The following ABTB2 variants were observed in gnomAD, a reference collection of about 807,000 sequenced individuals.
ABTB2 encodes ankyrin repeat and BTB domain containing 2.
A neutral mutation model predicts 104.1 loss-of-function variants in ABTB2; 56 were observed. That is an observed-to-expected ratio of 0.54 (90% confidence interval 0.43 to 0.67). The LOEUF is 0.67. Among genes scored for constraint, ABTB2 ranks in the 30% least tolerant of loss-of-function variants. ABTB2 has a pLI of 0.00. For missense variants in ABTB2, 1,279 were observed against 1,407.7 expected (o/e 0.91, Z 1.46); for synonymous variants, 606 against 608.2 (o/e 1.00, Z 0.05).
At chr11:34,265,661 GAAAAAAAA>G (rs1233763258) in intron 1 of ABTB2, among the ~76,000 whole-genome samples, 2 of 25,654 alleles carry the variant, frequency 7.8e-5, no homozygotes, top group African/African-American at 2.8e-4. Flanking sequence ...TCTGTCTCAA[GAAAAAAAA>G]AAAAAAAAAA....
chr11:34,320,038 C>A (rs941099347), intron 1 of ABTB2, among the ~76,000 whole-genome samples: 2 of 152,132 alleles, frequency 1.3e-5, no homozygotes, highest in African/African-American at 4.8e-5. Flanking sequence ...GCGTGACCAC[C>A]GTGCCTGGCC....
intron 1 of ABTB2, among the ~76,000 whole-genome samples, chr11:34,213,364 C>T (rs1264363208): frequency 1.3e-5 from 2 of 152,190 alleles, no homozygotes; most frequent in African/African-American, 2.4e-5. Context: ...CCTGTAGTCC[C>T]AGCTGCTCAG....
chr11:34,292,233 C>T (rs1037789787), intron 1 of ABTB2, among the ~76,000 whole-genome samples: 8 of 152,164 alleles, frequency 5.3e-5, no homozygotes, highest in Admixed American at 6.6e-5. Flanking sequence ...AAGGAAAAGC[C>T]GCAGTGTTCT....
intron 1 of ABTB2, among the ~76,000 whole-genome samples, chr11:34,327,654 T>A (rs1054668205): frequency 6.6e-6 from 1 of 152,206 alleles, no homozygotes; most frequent in Admixed American, 6.5e-5. Context: ...CTCTATAGCA[T>A]CATCCTATAA....
At chr11:34,241,297 G>C (rs925299120) in intron 1 of ABTB2, among the ~76,000 whole-genome samples, 2 of 152,190 alleles carry the variant, frequency 1.3e-5, no homozygotes, top group Admixed American at 1.3e-4. Flanking sequence ...GGGAAAAGGA[G>C]AATGTCATTA....
At chr11:34,284,831 G>A (rs1198115214) in intron 1 of ABTB2, among the ~76,000 whole-genome samples, 1 of 152,272 alleles carries the variant, frequency 6.6e-6, no homozygotes. Context: ...CTGTGTGCCT[G>A]CACACACCCC....
intron 7 of ABTB2, among the ~76,000 whole-genome samples, 174 bp from the exon 8 acceptor site, chr11:34,165,530 C>T (rs907383001): frequency 1.8e-4 from 28 of 152,242 alleles, no homozygotes; most frequent in African/African-American, 6.8e-4. Context: ...ATCCTCAGGG[C>T]TCAAAGTTTC....
In ABTB2 at chr11:34,164,681, G is replaced by T. The variant is rs372630640; in HGVS notation, c.1988+5C>A. On this transcript the variant is annotated splice_donor_5th_base_variant and intron_variant, in intron 9 of 16. Coordinates refer to ENST00000435224, the MANE Select transcript of ABTB2 (RefSeq NM_145804.3). The stretch of plus-strand genomic sequence containing the variant: ...TCACACAGGGTGGGAATCCCGGGCA[G>T]GTACCTGTGGCCGTGGGCAGCTGAG... 1.5e-5 allele frequency: 22 copies of T among 1,503,758 alleles called. No homozygotes were observed. In the African/African-American group the frequency reaches 3.2e-4, roughly 22 times the overall value. 93.2% of individuals were successfully genotyped at this position (1,503,758 alleles called of 1,614,324 possible). A position where few individuals can be genotyped will look rare whatever the true frequency, so the allele number is the denominator to read the frequency against.
chr11:34,331,787 G>A (rs1208972703), intron 1 of ABTB2, among the ~76,000 whole-genome samples: 2 of 152,220 alleles, frequency 1.3e-5, no homozygotes, highest in Non-Finnish European at 2.9e-5. Flanking sequence ...GGGTAGAAGG[G>A]TTGCAAGACT....
intron 1 of ABTB2, among the ~76,000 whole-genome samples, chr11:34,220,319 T>A (rs1373832108): frequency 6.6e-6 from 1 of 152,216 alleles, no homozygotes; most frequent in East Asian, 1.9e-4. Context: ...CGAGTGGCCA[T>A]GCAATATGCC....
intron 1 of ABTB2, among the ~76,000 whole-genome samples, chr11:34,346,204 C>T (rs1215742918): frequency 6.6e-6 from 1 of 152,238 alleles, no homozygotes; most frequent in East Asian, 1.9e-4. Context: ...TTATACAGCT[C>T]TGCCTTTGAA....
At chr11:34,183,425 G>A (rs555258302) in intron 3 of ABTB2, among the ~76,000 whole-genome samples, 2 of 152,216 alleles carry the variant, frequency 1.3e-5, no homozygotes, top group East Asian at 1.9e-4. Context: ...GGGAAAAAGA[G>A]AGCTACCGCC....
chr11:34,296,830 A>C (rs1269906441), intron 1 of ABTB2, among the ~76,000 whole-genome samples: 1 of 152,272 alleles, frequency 6.6e-6, no homozygotes, highest in Non-Finnish European at 1.5e-5. Flanking sequence ...TAGACATTGC[A>C]GAAATAAATC....
intron 2 of ABTB2, among the ~76,000 whole-genome samples, chr11:34,198,939 A>G (rs1853301574): frequency 6.6e-6 from 1 of 152,132 alleles, no homozygotes; most frequent in South Asian, 2.1e-4. Flanking sequence ...GGAAGAAATG[A>G]ACAGGTTTTA....
chr11:34,184,227 G>T (rs1384429971), intron 3 of ABTB2, among the ~76,000 whole-genome samples: 2 of 152,126 alleles, frequency 1.3e-5, no homozygotes, highest in Non-Finnish European at 2.9e-5. Flanking sequence ...TATTGGCAAA[G>T]AGTTCTTTTC....
intron 1 of ABTB2, among the ~76,000 whole-genome samples, chr11:34,303,636 C>CTT (rs35677380): frequency 0.016 from 1,284 of 79,114 alleles, 2 homozygotes; most frequent in Non-Finnish European, 0.022. Flanking sequence ...ACTATGGGTG[C>CTT]TTTTTTTTTT....
intron 1 of ABTB2, among the ~76,000 whole-genome samples, chr11:34,294,546 A>G (rs11032601): frequency 1.2e-3 from 185 of 152,198 alleles, no homozygotes; most frequent in Non-Finnish European, 2.1e-3. Flanking sequence ...GGAAATTGAA[A>G]GACAATGTGC....
rs749176100 is a variant in ABTB2 at position 34,164,744 on chromosome 11, C to T, written c.1930G>A (p.Gly644Ser). 6.4e-7 allele frequency: 1 copy of T among 1,556,520 alleles called. No individual in the cohort carries two copies. The highest frequency in any genetic ancestry group is 8.6e-7 in the Non-Finnish European group (1 of 1,161,452). ...LLSMLEAHGM[G>S]SSLHEDMNCF... ...TTCATGTCCTCGTGGAGGGAGGAGC[C>T]CATGCCGTGGGCCTCCAGCATGCTG... The change falls in exon 9 of 17, where the codon GGC becomes AGC. Residue 644 changes from glycine (G) to serine (S), a missense_variant. Physicochemically the swap from Gly to Ser is moderately conservative, Grantham distance 56. Transcript: ENST00000435224.
Position 34,357,136 on chromosome 11 carries a change from G to C in ABTB2, c.448C>G (p.His150Asp), listed in dbSNP as rs1263162183. 6.6e-7 allele frequency: 1 copy of C among 1,503,894 alleles called. No homozygotes were observed. Among genetic ancestry groups the C allele is most frequent in the Middle Eastern group, 2.0e-4 (1 of 4,984 alleles). 93.2% of individuals were successfully genotyped at this position (1,503,894 alleles called of 1,614,324 possible). The change falls in exon 1 of 17, where the codon CAC becomes GAC. Residue 150 changes from histidine to aspartate, a missense_variant. Coordinates refer to ENST00000435224, the MANE Select transcript of ABTB2 (RefSeq NM_145804.3). ...AREAQRLSVL[H>D]AKCTRFEVQS... is the part of the protein sequence containing the mutation. ...ACCTCAAAGCGGGTGCACTTGGCGTGCAGCACGCTCAGGCGCTGCGCCTCG... is the reference window on the plus strand; with the variant it reads ...ACCTCAAAGCGGGTGCACTTGGCGTCCAGCACGCTCAGGCGCTGCGCCTCG...
Sources: gnomAD v4.1 joint callset for allele counts (sites outside exome capture counted in the v4.1 genomes callset) on GRCh38, gnomAD v4.1.1 for gene constraint, MANE v1.5 for transcripts, NCBI Gene and HGNC (gene_info 2026-07-23, HGNC 2026-07-21) for gene names.